Variants in ARID4B observed in about 807,000 individuals in gnomAD.
The protein encoded by ARID4B is AT-rich interaction domain 4B.
Under a neutral mutation model 147.5 loss-of-function variants are expected in ARID4B, and 26 were observed. The observed-to-expected ratio is 0.18, with a 90% CI of 0.13 to 0.24. The LOEUF (loss-of-function observed/expected upper bound fraction) is 0.24, where lower values mean the gene tolerates loss of function less well. Ranked by LOEUF, ARID4B falls within the 10% of genes least tolerant of loss-of-function variation. The pLI is 1.00. For synonymous variants in ARID4B, 512 were observed against 507.9 expected (o/e 1.01, Z -0.11); for missense variants, 1,179 against 1,511.5 (o/e 0.78, Z 3.65).
intron 2 of ARID4B, among the ~76,000 whole-genome samples, chr1:235,314,588 G>A (rs1036743385): frequency 1.1e-4 from 16 of 152,124 alleles, no homozygotes; most frequent in Non-Finnish European, 8.8e-5. Context: ...TATTCAAGCA[G>A]TAAATTAAGA....
chr1:235,229,285 T>C lies in ARID4B; in HGVS notation c.843A>G (p.Glu281=), dbSNP rs767085397. ...EDSSSSEAEE[E]EEEEDDEKEK... ...CTTTTTCATCATCTTCCTCCTCCTCTTCTTCCTCTGCTTCACTGCTAGAGC... is the reference window on the plus strand; with the variant it reads ...CTTTTTCATCATCTTCCTCCTCCTCCTCTTCCTCTGCTTCACTGCTAGAGC... The change falls in exon 11 of 24, where the codon GAA becomes GAG. Residue 281 remains glutamate, a synonymous_variant. Coordinates refer to ENST00000264183, the MANE Select transcript of ARID4B (RefSeq NM_016374.6). 39 of 1,613,266 alleles carry C rather than the reference T, an allele frequency of 2.4e-5. No homozygotes were observed. The highest frequency in any genetic ancestry group is 3.1e-5 in the Non-Finnish European group (37 of 1,179,516).
chr1:235,234,563 T>A, intron 8 of ARID4B, 71 bp from the exon 9 acceptor site: 1 of 1,091,116 alleles, frequency 9.2e-7, no homozygotes, highest in Admixed American at 2.5e-5. Flanking sequence ...ACCATTTAAA[T>A]CCTTTTAAAA....
chr1:235,302,621 A>T (rs1450442961), intron 2 of ARID4B, among the ~76,000 whole-genome samples: 2 of 152,116 alleles, frequency 1.3e-5, no homozygotes, highest in African/African-American at 4.8e-5. Flanking sequence ...CTTGCATTAT[A>T]CTCCTATTGA....
chr1:235,185,765 C>T (rs1290198520), intron 19 of ARID4B, among the ~76,000 whole-genome samples: 1 of 152,118 alleles, frequency 6.6e-6, no homozygotes, highest in East Asian at 1.9e-4. Context: ...TGAATCCTTC[C>T]GAATGTATTG....
At chr1:235,209,854 C>T (rs1053564522) in intron 17 of ARID4B, among the ~76,000 whole-genome samples, 7 of 152,150 alleles carry the variant, frequency 4.6e-5, no homozygotes, top group Non-Finnish European at 7.4e-5. Context: ...ATGAGCTACC[C>T]GTGCCTGGCC....
chr1:235,239,612 G>A (rs990098997), intron 8 of ARID4B, among the ~76,000 whole-genome samples: 9 of 152,142 alleles, frequency 5.9e-5, no homozygotes, highest in Non-Finnish European at 1.3e-4. Context: ...ACGAAAAACA[G>A]AGAGATAAAA....
At chr1:235,194,905 G>A (rs1469324101) in intron 18 of ARID4B, among the ~76,000 whole-genome samples, 3 of 152,102 alleles carry the variant, frequency 2.0e-5, no homozygotes, top group Non-Finnish European at 4.4e-5. Context: ...AAAATTCCAG[G>A]TACTTTTGTA....
intron 2 of ARID4B, 29 bp downstream of exon 2, chr1:235,326,885 A>C (rs370299979): frequency 2.0e-5 from 32 of 1,613,428 alleles, no homozygotes; most frequent in African/African-American, 1.7e-4. Context: ...CGATAACCCC[A>C]GAGATTCGTT....
intron 2 of ARID4B, among the ~76,000 whole-genome samples, chr1:235,299,692 C>G (rs1672991327): frequency 6.6e-6 from 1 of 152,150 alleles, no homozygotes; most frequent in South Asian, 2.1e-4. Flanking sequence ...AAAAGCGGAG[C>G]AGTTCTCTGG....
At chr1:235,235,101 C>T (rs1668469980) in intron 8 of ARID4B, among the ~76,000 whole-genome samples, 1 of 151,990 alleles carries the variant, frequency 6.6e-6, no homozygotes, top group South Asian at 2.1e-4. Context: ...GAGAAATATC[C>T]AAGATAATTA....
intron 19 of ARID4B, among the ~76,000 whole-genome samples, chr1:235,192,604 C>CT (rs1212912203): frequency 6.6e-6 from 1 of 152,134 alleles, no homozygotes. Flanking sequence ...AAACTAGCTT[C>CT]TATTAACATT....
intron 2 of ARID4B, among the ~76,000 whole-genome samples, chr1:235,301,512 C>T (rs371912490): frequency 9.3e-4 from 139 of 150,024 alleles, no homozygotes; most frequent in African/African-American, 3.2e-3. Flanking sequence ...GTACTCCAGC[C>T]GGTGAGAGTG....
At chr1:235,216,634 C>T (rs1667104788) in intron 16 of ARID4B, among the ~76,000 whole-genome samples, 1 of 152,072 alleles carries the variant, frequency 6.6e-6, no homozygotes, top group Non-Finnish European at 1.5e-5. Context: ...TGAGCCACCG[C>T]ACCCAGCCTG....
At chr1:235,222,677 T>C (rs1012873622) in intron 13 of ARID4B, among the ~76,000 whole-genome samples, 1 of 119,864 alleles carries the variant, frequency 8.3e-6, no homozygotes, top group African/African-American at 3.2e-5. Context: ...TGAAAAAAAA[T>C]CTTTTTTTTT....
chr1:235,229,804 C>A (rs573042233), intron 10 of ARID4B, among the ~76,000 whole-genome samples: 20 of 152,288 alleles, frequency 1.3e-4, no homozygotes, highest in African/African-American at 4.8e-4. Context: ...GAAAACTGAC[C>A]ACACATGATT....
rs765207841 is a variant in ARID4B, at chr1:235,172,812, A to G, written c.3665-48T>C. The G allele has an allele frequency of 5.7e-6, 8 of 1,410,856 alleles. No homozygotes were observed. In the Admixed American group the frequency reaches 2.3e-4, roughly 41 times the overall value. 87.4% of individuals were successfully genotyped at this position (1,410,856 alleles called of 1,614,324 possible). ...AACAGACATTTTTAAAGAAAATTTT[A>G]ACATACAAAAAGGAGAGAACATCGA... On this transcript the variant is annotated intron_variant, in intron 22 of 23. Coordinates refer to ENST00000264183, the MANE Select transcript of ARID4B (RefSeq NM_016374.6).
intron 2 of ARID4B, among the ~76,000 whole-genome samples, chr1:235,267,562 G>C (rs866409808): frequency 7.9e-5 from 12 of 152,174 alleles, no homozygotes; most frequent in Non-Finnish European, 1.5e-4. Context: ...GCCAGGTGTG[G>C]TGGCTCACGC....
At chr1:235,219,721 A>C in intron 16 of ARID4B, 72 bp downstream of exon 16, 2 of 1,229,836 alleles carry the variant, frequency 1.6e-6, no homozygotes, top group African/African-American at 1.5e-5. Flanking sequence ...TTCATACATA[A>C]ACACATACAA....
At chr1:235,274,442 T>C (rs1002578344) in intron 2 of ARID4B, among the ~76,000 whole-genome samples, 11 of 152,156 alleles carry the variant, frequency 7.2e-5, no homozygotes, top group African/African-American at 1.2e-4. Context: ...ACCAACCTAA[T>C]AGTTCTCTGC....
Sources: allele counts gnomAD v4.1 joint callset (sites outside exome capture counted in the v4.1 genomes callset), GRCh38; gene constraint gnomAD v4.1.1; transcripts MANE v1.5; gene names NCBI Gene and HGNC (gene_info 2026-07-23, HGNC 2026-07-21).